Variants in BCAS3 observed in about 807,000 individuals in gnomAD.
BCAS3 encodes BCAS3 microtubule associated cell migration factor, also known as BCAS4/BCAS3 fusion.
Under a neutral mutation model 116.1 loss-of-function variants are expected in BCAS3, and 53 were observed. The observed-to-expected ratio is 0.46, with a 90% confidence interval of 0.37 to 0.57. The LOEUF (loss-of-function observed/expected upper bound fraction) is 0.57. Among genes scored for constraint, BCAS3 ranks in the 20% least tolerant of loss-of-function variants. The pLI, the probability that BCAS3 is intolerant of heterozygous loss-of-function variation, is 0.00. For missense variants in BCAS3, 917 were observed against 1,165.4 expected (o/e 0.79, Z 3.10); for synonymous variants, 391 against 408.2 (o/e 0.96, Z 0.51).
At position 60,851,072 on chromosome 17, in the gene BCAS3, G is replaced by GA. The variant is rs1382123079; in HGVS notation, c.477-17498dup. ...CAACACCGAAAGCGCAATCATAAAT[G>GA]AAAAAATCAGTAAGTTGGGCTTTAT... On this transcript the variant is annotated intron_variant, in intron 7 of 23. Coordinates refer to ENST00000407086, the MANE Select transcript of BCAS3 (RefSeq NM_017679.5). 4.6e-5 allele frequency among the ~76,000 whole-genome samples: 7 copies of GA among 152,258 alleles called. No homozygotes were observed. The South Asian group carries it at 8.3e-4, about 18-fold the overall frequency.
intron 2 of BCAS3, 38 bp downstream of exon 2, chr17:60,679,578 A>G: frequency 6.7e-7 from 1 of 1,491,202 alleles, no homozygotes. Context: ...GCTGAAGAAA[A>G]GATTACTCAG....
chr17:61,155,516 A>G (rs2077784107), intron 22 of BCAS3, among the ~76,000 whole-genome samples: 1 of 151,910 alleles, frequency 6.6e-6, no homozygotes, highest in African/African-American at 2.4e-5. Context: ...AAAAAAGTCT[A>G]ATATTTAGTT....
At chr17:60,679,992 G>C (rs901791229) in intron 2 of BCAS3, among the ~76,000 whole-genome samples, 1 of 151,936 alleles carries the variant, frequency 6.6e-6, no homozygotes, top group Admixed American at 6.6e-5. Flanking sequence ...CAAAAAATTA[G>C]CCGGGTATGG....
chr17:60,779,978 C>A (rs1477167164), intron 6 of BCAS3, among the ~76,000 whole-genome samples: 1 of 151,728 alleles, frequency 6.6e-6, no homozygotes, highest in African/African-American at 2.4e-5. Context: ...ATCTAAAAAA[C>A]TTTACTATTT....
intron 22 of BCAS3, among the ~76,000 whole-genome samples, chr17:61,298,090 T>C (rs768618850): frequency 6.6e-5 from 10 of 152,134 alleles, no homozygotes; most frequent in Non-Finnish European, 1.2e-4. Flanking sequence ...TCCTAGCAGG[T>C]TTCTAGAGTC....
intron 22 of BCAS3, among the ~76,000 whole-genome samples, chr17:61,303,673 G>A (rs946331202): frequency 3.9e-5 from 6 of 152,126 alleles, no homozygotes; most frequent in African/African-American, 1.4e-4. Flanking sequence ...CTCTTCTTTT[G>A]CCTATTTCTG....
intron 22 of BCAS3, among the ~76,000 whole-genome samples, chr17:61,185,612 C>T (rs1331132068): frequency 1.3e-5 from 2 of 152,052 alleles, no homozygotes; most frequent in African/African-American, 4.8e-5. Flanking sequence ...GTCCTTATTT[C>T]CTTTAATTGA....
chr17:61,277,626 A>G (rs2144655184), intron 22 of BCAS3, among the ~76,000 whole-genome samples: 1 of 152,272 alleles, frequency 6.6e-6, no homozygotes, highest in East Asian at 1.9e-4. Flanking sequence ...TAGAATATAT[A>G]AGAACTACTA....
rs2049018744 is a variant in BCAS3, at chr17:61,259,320, C to G, written c.2426-109007C>G. Among the ~76,000 whole-genome samples, 1 of 152,168 alleles carries G rather than the reference C, an allele frequency of 6.6e-6. No individual in the cohort carries two copies. The highest frequency in any genetic ancestry group is 2.4e-5 in the African/African-American group (1 of 41,434). ...TGAGGGCACACAGAATTTGAGAACA[C>G]TGAAATTCAGCCAGATAGTGACCCA... On this transcript the variant is annotated intron_variant, in intron 22 of 23. Coordinates refer to ENST00000407086, the MANE Select transcript of BCAS3 (RefSeq NM_017679.5). The surrounding 1 kb of genome is among the most constrained non-coding windows in gnomAD (Gnocchi z 4.7).
In BCAS3 at chr17:61,313,560, G is replaced by A. The variant is rs1037012794; in HGVS notation, c.2426-54767G>A. Among the ~76,000 whole-genome samples, 1 of 152,164 alleles carries A rather than the reference G, an allele frequency of 6.6e-6. No homozygotes were observed. Among genetic ancestry groups the A allele is most frequent in the Non-Finnish European group, 1.5e-5 (1 of 68,028 alleles). On this transcript the variant is annotated intron_variant, in intron 22 of 23. Coordinates refer to ENST00000407086, the MANE Select transcript of BCAS3 (RefSeq NM_017679.5). This position sits in a 1 kb window ranked among gnomAD's most constrained non-coding sequence, Gnocchi z 4.3. ...CCTGGCTGAACGGGGATTTGTGTGGGCCAGACAATGTAGGGGATTTATTTC... is the reference window on the plus strand; with the variant it reads ...CCTGGCTGAACGGGGATTTGTGTGGACCAGACAATGTAGGGGATTTATTTC...
intron 22 of BCAS3, among the ~76,000 whole-genome samples, chr17:61,102,398 T>G (rs925012741): frequency 6.6e-6 from 1 of 152,164 alleles, no homozygotes; most frequent in African/African-American, 2.4e-5. Context: ...TAGGTAACAT[T>G]TGGTTACTGA....
At chr17:60,712,334 C>G (rs1042269309) in intron 5 of BCAS3, among the ~76,000 whole-genome samples, 1 of 151,668 alleles carries the variant, frequency 6.6e-6, no homozygotes, top group African/African-American at 2.4e-5. Context: ...CATGATTATG[C>G]CACTGCACTC....
Position 60,748,942 on chromosome 17 carries a change from A to G in BCAS3, c.403+1663A>G, listed in dbSNP as rs191152577. On this transcript the variant is annotated intron_variant, in intron 6 of 23. Coordinates refer to ENST00000407086, the MANE Select transcript of BCAS3 (RefSeq NM_017679.5). The stretch of plus-strand genomic sequence containing the variant: ...TGATTAATTTTTTAGATTTTTAAAA[A>G]AGACTAGTCGAGTGCAGTAGTGAGA... The G allele has an allele frequency of 2.0e-5, 3 of 152,326 alleles. No individual in the cohort carries two copies. The East Asian group carries it at 5.8e-4, about 29-fold the overall frequency. The allele number at this position is 152,326 out of a possible 1,614,324, so 9.4% of individuals were successfully genotyped here.
chr17:60,890,637 A>T (rs551698903), intron 10 of BCAS3, among the ~76,000 whole-genome samples: 2 of 152,314 alleles, frequency 1.3e-5, no homozygotes, highest in South Asian at 4.1e-4. Context: ...TACTATATGC[A>T]CTAGGAATTT....
intron 6 of BCAS3, among the ~76,000 whole-genome samples, chr17:60,780,281 C>T (rs188753325): frequency 7.9e-5 from 12 of 151,040 alleles, no homozygotes; most frequent in African/African-American, 2.9e-4. Flanking sequence ...AGCCACCATG[C>T]CCTGCCTATT....
chr17:60,998,087 A>G (rs926989534), intron 15 of BCAS3, among the ~76,000 whole-genome samples: 5 of 152,176 alleles, frequency 3.3e-5, no homozygotes, highest in African/African-American at 9.7e-5. Context: ...ATAAGTGAAA[A>G]CATGACATAT....
chr17:61,045,728 A>G (rs1399681840), intron 19 of BCAS3, among the ~76,000 whole-genome samples: 1 of 137,978 alleles, frequency 7.2e-6, no homozygotes, highest in Non-Finnish European at 1.5e-5. Context: ...AGGGAGGAGA[A>G]TCGCTTGAAC....
rs78180895 is a variant in BCAS3 at position 61,288,920 on chromosome 17, G to A, written c.2426-79407G>A. 8.0e-3 allele frequency among the ~76,000 whole-genome samples: 1,220 copies of A among 152,290 alleles called. 23 individuals carry two copies. Among genetic ancestry groups the A allele is most frequent in the African/African-American group, 0.028 (1,158 of 41,556 alleles). On this transcript the variant is annotated intron_variant, in intron 22 of 23. Transcript: ENST00000407086. ...TTTGGTTTTGGAGGACAGGGGTGGA[G>A]CATGAAAACATGCTCATAGTATTTA...
At chr17:60,735,954 AAGTGAGCTATT>A (rs2040913548) in intron 5 of BCAS3, among the ~76,000 whole-genome samples, 1 of 152,194 alleles carries the variant, frequency 6.6e-6, no homozygotes, top group Non-Finnish European at 1.5e-5. Flanking sequence ...AAGTGAGTGT[AAGTGAGCTATT>A]ACATTAAGTG....
Sources: allele counts gnomAD v4.1 joint callset (sites outside exome capture counted in the v4.1 genomes callset), GRCh38; gene constraint gnomAD v4.1.1; non-coding constraint Gnocchi (gnomAD v3.1); transcripts MANE v1.5; gene names NCBI Gene and HGNC (gene_info 2026-07-23, HGNC 2026-07-21).